The following ADAMTS14 variants were observed in gnomAD, a reference collection of about 807,000 sequenced individuals.
ADAMTS14 encodes the protein A disintegrin and metalloproteinase with thrombospondin motifs 14.
A neutral mutation model predicts 128.6 loss-of-function variants in ADAMTS14; 100 were observed. The ratio of observed to expected loss-of-function variants is 0.78; its 90% CI spans 0.66 to 0.92. ADAMTS14 has a LOEUF of 0.92. Among genes scored for constraint, ADAMTS14 ranks in the 40% least tolerant of loss-of-function variants. ADAMTS14 has a pLI of 0.00. For synonymous variants in ADAMTS14, 665 were observed against 653.8 expected (o/e 1.02, Z -0.26); for missense variants, 1,562 against 1,658.6 (o/e 0.94, Z 1.01).
rs144890013 is a variant in ADAMTS14 at position 70,760,634 on chromosome 10, C to T, written c.3453C>T (p.Leu1151=). The T allele has an allele frequency of 1.8e-4, 294 of 1,614,028 alleles. No homozygotes were observed. The highest frequency in any genetic ancestry group is 2.4e-4 in the Non-Finnish European group (284 of 1,180,020). The stretch of plus-strand genomic sequence containing the variant: ...ATCAGCATGGCCGAGCCACACAGCT[C>T]CCAGGAGCTCTGGATACAAGCTCCC... ...EDHQHGRATQ[L]PGALDTSSPG... Residue 1151 remains leucine, a synonymous_variant, in exon 22 of 22, where the codon CTC becomes CTT. Transcript: ENST00000373207.
At chr10:70,707,999 T>C (rs1840718085) in intron 3 of ADAMTS14, among the ~76,000 whole-genome samples, 1 of 152,242 alleles carries the variant, frequency 6.6e-6, no homozygotes, top group Admixed American at 6.5e-5. Context: ...TCTTGGATTA[T>C]ATAATACAAG....
intron 2 of ADAMTS14, among the ~76,000 whole-genome samples, chr10:70,684,370 C>T (rs1490546357): frequency 6.6e-6 from 1 of 152,156 alleles, no homozygotes; most frequent in Admixed American, 6.5e-5. Context: ...CACTTCTGCA[C>T]CTTCTGCTGG....
rs1018437502 is a variant in ADAMTS14, at chr10:70,749,796, T to C, written c.2264-26T>C. 3.7e-6 allele frequency: 6 copies of C among 1,610,996 alleles called. No homozygotes were observed. In the African/African-American group the frequency reaches 8.0e-5, roughly 22 times the overall value. On this transcript the variant is annotated intron_variant, in intron 15 of 21. Transcript: ENST00000373207. ...CCCTGTGGAGAGGAGCAGAAATCTG[T>C]GTGACCCTCTCCCCCCACCGGTCAG...
At chr10:70,753,489 T>C (rs1414138853) in intron 18 of ADAMTS14, among the ~76,000 whole-genome samples, 3 of 152,198 alleles carry the variant, frequency 2.0e-5, no homozygotes, top group East Asian at 3.8e-4. Context: ...TTTGAAGTAA[T>C]CGTGATGTGA....
Position 70,760,525 on chromosome 10 carries a change from C to G in ADAMTS14, c.3344C>G (p.Ser1115Cys), listed in dbSNP as rs750926289. The change falls in exon 22 of 22, where the codon TCC (serine) becomes TGC (cysteine). Residue 1115 changes from serine to cysteine, a missense_variant. Transcript: ENST00000373207. The part of the protein sequence containing the change: ...DPGPTSLPPF[S>C]TPGSPLPGPQ... ...GGCCCAACCTCACTGCCCCCCTTCT[C>G]CACTCCTGGAAGCCCCTTACCAGGA... 15 of 1,613,566 alleles carry G rather than the reference C, an allele frequency of 9.3e-6. No individual in the cohort carries two copies. In the Admixed American group the frequency reaches 2.0e-4, roughly 22 times the overall value.
chr10:70,743,823 G>T, intron 13 of ADAMTS14, 142 bp downstream of exon 13: 1 of 1,290,696 alleles, frequency 7.7e-7, no homozygotes. Context: ...GCCCTGGGGT[G>T]CTGGAAGGGG....
intron 18 of ADAMTS14, among the ~76,000 whole-genome samples, chr10:70,753,326 T>C (rs2132747173): frequency 6.6e-6 from 1 of 152,328 alleles, no homozygotes; most frequent in Non-Finnish European, 1.5e-5. Context: ...CTGTGGATGA[T>C]GATGGTGACA....
At chr10:70,760,231 G>A (rs1369561345) in intron 21 of ADAMTS14, 129 bp from the exon 22 acceptor site, 2 of 1,275,024 alleles carry the variant, frequency 1.6e-6, no homozygotes, top group Non-Finnish European at 2.1e-6. Flanking sequence ...CTGAGAAAAA[G>A]CTTTATAGTG....
intron 2 of ADAMTS14, among the ~76,000 whole-genome samples, chr10:70,694,986 C>T (rs1199634330): frequency 1.3e-5 from 2 of 152,160 alleles, no homozygotes; most frequent in Non-Finnish European, 2.9e-5. Context: ...GTTTTACATT[C>T]CCACCAATGT....
At chr10:70,715,597 G>A (rs1042638318) in intron 4 of ADAMTS14, among the ~76,000 whole-genome samples, 1 of 152,156 alleles carries the variant, frequency 6.6e-6, no homozygotes, top group African/African-American at 2.4e-5. Flanking sequence ...AGAGCTGAAG[G>A]CAGCGAAGTT....
intron 13 of ADAMTS14, 138 bp from the exon 14 acceptor site, chr10:70,743,928 C>T (rs1000945366): frequency 5.5e-6 from 7 of 1,280,932 alleles, no homozygotes; most frequent in South Asian, 1.5e-5. Context: ...ACGGTGAATT[C>T]GTGCCAGAAT....
At chr10:70,755,064 G>C (rs906274526) in intron 19 of ADAMTS14, among the ~76,000 whole-genome samples, 1 of 152,018 alleles carries the variant, frequency 6.6e-6, no homozygotes. Flanking sequence ...GCAGATCTTT[G>C]GGAGGCTGAT....
Position 70,729,347 on chromosome 10 carries a change from C to T in ADAMTS14, c.924C>T (p.Leu308=), listed in dbSNP as rs143037838. The T allele has an allele frequency of 6.8e-5, 109 of 1,613,896 alleles. No individual in the cohort carries two copies. The highest frequency in any genetic ancestry group is 5.0e-4 in the Middle Eastern group (3 of 6,026). ...ESLGVHINIA[L]VRLIMVGYRQ... is the part of the protein sequence containing the mutation. ...TGGGGGTTCATATAAATATTGCCCT[C>T]GTCCGCTTGATCATGGTTGGCTACC... Residue 308 remains leucine (L), a synonymous_variant, in exon 5 of 22, where the codon CTC becomes CTT. Coordinates refer to ENST00000373207, the MANE Select transcript of ADAMTS14 (RefSeq NM_080722.4).
intron 2 of ADAMTS14, among the ~76,000 whole-genome samples, chr10:70,691,487 T>TAAA (rs11373533): frequency 0.068 from 5,893 of 86,080 alleles, 562 homozygotes; most frequent in East Asian, 0.43. Context: ...GAGACCCTGT[T>TAAA]AAAAAAAAAA....
At chr10:70,760,258 G>C in intron 21 of ADAMTS14, 102 bp from the exon 22 acceptor site, 1 of 1,445,216 alleles carries the variant, frequency 6.9e-7, no homozygotes, top group South Asian at 1.4e-5. Context: ...GCAGGGGCAG[G>C]GGTGGAGGGC....
chr10:70,755,458 T>C (rs770550222), intron 19 of ADAMTS14, among the ~76,000 whole-genome samples: 5 of 151,918 alleles, frequency 3.3e-5, no homozygotes, highest in Non-Finnish European at 5.9e-5. Flanking sequence ...GGAGTTTCAG[T>C]TGGGAAAGAA....
chr10:70,729,156 T>C (rs763378678), intron 4 of ADAMTS14, 138 bp from the exon 5 acceptor site: 37 of 706,784 alleles, frequency 5.2e-5, no homozygotes, highest in Non-Finnish European at 8.5e-5. Flanking sequence ...AGTTTCTTTA[T>C]CTGTAAAGTA....
chr10:70,741,673 C>A (rs994905739), intron 12 of ADAMTS14, among the ~76,000 whole-genome samples: 2 of 152,286 alleles, frequency 1.3e-5, no homozygotes, highest in African/African-American at 4.8e-5. Flanking sequence ...TTGGAAGGCA[C>A]GCAGATAGGA....
chr10:70,756,615 A>G (rs996920420), intron 19 of ADAMTS14, among the ~76,000 whole-genome samples: 1 of 152,244 alleles, frequency 6.6e-6, no homozygotes, highest in Non-Finnish European at 1.5e-5. Context: ...CATGATATGT[A>G]TTGTGTTGAA....
Sources: allele counts gnomAD v4.1 joint callset (sites outside exome capture counted in the v4.1 genomes callset), GRCh38; gene constraint gnomAD v4.1.1; transcripts MANE v1.5; gene names NCBI Gene and HGNC (gene_info 2026-07-23, HGNC 2026-07-21).